Variants in EFL1 observed in about 807,000 individuals in gnomAD.
EFL1 encodes elongation factor like GTPase 1.
Under a neutral mutation model 126.7 loss-of-function variants are expected in EFL1, and 76 were observed. The ratio of observed to expected loss-of-function variants is 0.60; its 90% CI spans 0.50 to 0.73. The LOEUF (loss-of-function observed/expected upper bound fraction) is 0.73, where lower values mean the gene tolerates loss of function less well. EFL1 is among the 30% of genes least tolerant of loss of function. The pLI is 0.00. For synonymous variants in EFL1, 410 were observed against 448.4 expected (o/e 0.91, Z 1.08); for missense variants, 1,128 against 1,343.2 (o/e 0.84, Z 2.50).
intron 15 of EFL1, among the ~76,000 whole-genome samples, chr15:82,209,454 G>GA (rs2074561863): frequency 6.6e-6 from 1 of 152,100 alleles, no homozygotes; most frequent in African/African-American, 2.4e-5. Context: ...CTCATGCTGT[G>GA]AAAAGAAGAA....
chr15:82,196,726 T>C (rs1371615481), intron 15 of EFL1, among the ~76,000 whole-genome samples: 1 of 152,250 alleles, frequency 6.6e-6, no homozygotes, highest in Admixed American at 6.5e-5. Context: ...GATATATCTT[T>C]CAAGTGCATT....
Position 82,228,249 on chromosome 15 carries a change from A to C in EFL1, c.1011T>G (p.Pro337=). The C allele has an allele frequency of 2.5e-6, 4 of 1,614,142 alleles. No homozygotes were observed. Among genetic ancestry groups the C allele is most frequent in the East Asian group, 2.2e-5 (1 of 44,882 alleles). ...TGCAAATGGCGTTGATCTGAACTTTAGGGTCTGAATGTCGTGCCTCCCGGG... is the reference window on the plus strand; with the variant it reads ...TGCAAATGGCGTTGATCTGAACTTTCGGGTCTGAATGTCGTGCCTCCCGGG... ...IGAREARHSD[P]KVQINAICSQ... is the part of the protein sequence containing the mutation. Residue 337 remains proline (P), a synonymous_variant, in exon 10 of 20, where the codon CCT becomes CCG. Coordinates refer to ENST00000268206, the MANE Select transcript of EFL1 (RefSeq NM_024580.6).
rs976022268 is a variant in EFL1, at chr15:82,182,963, C to A, written c.1751-18979G>T. On this transcript the variant is annotated intron_variant, in intron 15 of 19. Transcript: ENST00000268206. ...AATTAGGCATCCAACCTTATGCCAG[C>A]ATTGGAGCTGCTCTGGTACTGGGGC... Among the ~76,000 whole-genome samples, 4 of 152,258 alleles carry A rather than the reference C, an allele frequency of 2.6e-5. No individual in the cohort carries two copies. In the East Asian group the frequency reaches 7.7e-4, roughly 29 times the overall value.
chr15:82,160,813 C>T (rs556969961), intron 16 of EFL1, among the ~76,000 whole-genome samples: 1 of 152,066 alleles, frequency 6.6e-6, no homozygotes, highest in Non-Finnish European at 1.5e-5. Flanking sequence ...TGGCCTTGGG[C>T]AAATTAATTA....
chr15:82,151,594 A>G lies in EFL1; in HGVS notation c.2860T>C (p.Tyr954His). The change falls in exon 18 of 20, where the codon TAT becomes CAT. Residue 954 changes from tyrosine (Y) to histidine (H), a missense_variant. Physicochemically the swap from Tyr to His is moderately conservative, Grantham distance 83 (BLOSUM62 2). Around this residue, in one of 6 missense-constraint regions of EFL1, gnomAD observed 561 missense variants for 641.7 expected, o/e 0.87. Transcript: ENST00000268206. ...ATTAGCTGTCCTGAGAAAGGTCCATAGCAGTCAGTGAGTGGAGATTCTCCT... is the reference window on the plus strand; with the variant it reads ...ATTAGCTGTCCTGAGAAAGGTCCATGGCAGTCAGTGAGTGGAGATTCTCCT... ...QKGESPLTDC[Y>H]GPFSGQLIAT... 6.2e-7 allele frequency: 1 copy of G among 1,614,166 alleles called. No individual in the cohort carries two copies. Among genetic ancestry groups the G allele is most frequent in the Non-Finnish European group, 8.5e-7 (1 of 1,180,012 alleles).
Position 82,227,509 on chromosome 15 carries a change from A to G in EFL1, c.1133T>C (p.Met378Thr). The change falls in exon 11 of 20, where the codon ATG becomes ACG. Residue 378 changes from methionine (M) to threonine (T), a missense_variant. By Grantham distance (81) the Met-to-Thr change is moderately conservative. Coordinates refer to ENST00000268206, the MANE Select transcript of EFL1 (RefSeq NM_024580.6). Reference protein sequence around the residue: ...DITAERVERLMCTGSQTFDSF... With the variant: ...DITAERVERLTCTGSQTFDSF... ...GTCAAAAGTTTGTGATCCTGTGCAC[A>G]TCAGTCTCTCCACTCTCTCAGCTGT... 1 of 1,614,190 alleles carries G rather than the reference A, an allele frequency of 6.2e-7. No homozygotes were observed.
At chr15:82,171,667 A>G (rs1218516586) in intron 15 of EFL1, among the ~76,000 whole-genome samples, 2 of 152,188 alleles carry the variant, frequency 1.3e-5, no homozygotes, top group Non-Finnish European at 1.5e-5. Flanking sequence ...AAAACTTCAA[A>G]ACAAAAGATA....
chr15:82,261,963 G>C lies in EFL1; in HGVS notation c.-19-166C>G, dbSNP rs2075126026. Reference sequence around the variant, plus strand: ...GACCACCAAGGCCTAAGTCCAGTTCGAGCACTAAAGTCAGTATCCTACCAC... The same window carrying C: ...GACCACCAAGGCCTAAGTCCAGTTCCAGCACTAAAGTCAGTATCCTACCAC... On this transcript the variant is annotated intron_variant, in intron 1 of 19. Coordinates refer to ENST00000268206, the MANE Select transcript of EFL1 (RefSeq NM_024580.6). 1.1e-5 allele frequency: 6 copies of C among 559,184 alleles called. No homozygotes were observed. In the South Asian group the frequency reaches 1.4e-4, roughly 13 times the overall value. 34.6% of individuals were successfully genotyped at this position (559,184 alleles called of 1,614,324 possible). A position where few individuals can be genotyped will look rare whatever the true frequency, so the allele number is the denominator to read the frequency against.
intron 16 of EFL1, chr15:82,159,790 T>C (rs901777414): frequency 6.6e-6 from 1 of 152,220 alleles, no homozygotes; most frequent in Non-Finnish European, 1.5e-5. Context: ...GAAAATGGAA[T>C]ACTAAAATGG....
intron 17 of EFL1, among the ~76,000 whole-genome samples, chr15:82,156,509 T>C (rs2073969154): frequency 6.6e-6 from 1 of 152,192 alleles, no homozygotes; most frequent in Non-Finnish European, 1.5e-5. Flanking sequence ...GGTCTCGATC[T>C]CCTGACCTCG....
intron 3 of EFL1, among the ~76,000 whole-genome samples, chr15:82,256,092 T>C (rs575293585): frequency 2.0e-5 from 3 of 152,258 alleles, no homozygotes; most frequent in African/African-American, 7.2e-5. Context: ...TTTTCTCCAA[T>C]ATCTCATAGG....
intron 8 of EFL1, among the ~76,000 whole-genome samples, chr15:82,229,533 C>G (rs1452846253): frequency 6.6e-6 from 1 of 151,916 alleles, no homozygotes; most frequent in Non-Finnish European, 1.5e-5. Flanking sequence ...TTTGAAAACC[C>G]AAAAAACCCC....
intron 15 of EFL1, among the ~76,000 whole-genome samples, chr15:82,191,513 A>G (rs2074359291): frequency 1.3e-5 from 2 of 152,030 alleles, no homozygotes; most frequent in South Asian, 4.1e-4. Flanking sequence ...ATAAGGTGGT[A>G]GTATTAAAAA....
rs1424385060 is a variant in EFL1, at chr15:82,248,658, T to C, written c.244+4033A>G. 2.0e-5 allele frequency among the ~76,000 whole-genome samples: 3 copies of C among 152,178 alleles called. No homozygotes were observed. In the East Asian group the frequency reaches 5.8e-4, roughly 29 times the overall value. ...GGAGGACAACCTCACTGCATATGGC[T>C]GACTCTTGGGTGAATCCCAAGTGTA... On this transcript the variant is annotated intron_variant, in intron 4 of 19. Coordinates refer to ENST00000268206, the MANE Select transcript of EFL1 (RefSeq NM_024580.6).
At chr15:82,237,514 G>A (rs1330421646) in intron 7 of EFL1, among the ~76,000 whole-genome samples, 1 of 152,178 alleles carries the variant, frequency 6.6e-6, no homozygotes, top group Non-Finnish European at 1.5e-5. Context: ...AACACCAAAC[G>A]TGAACATTTG....
At chr15:82,163,221 G>A (rs2074041114) in intron 16 of EFL1, among the ~76,000 whole-genome samples, 1 of 152,168 alleles carries the variant, frequency 6.6e-6, no homozygotes, top group Admixed American at 6.5e-5. Context: ...CTTGAGATAA[G>A]ATTCCAACTA....
Position 82,257,321 on chromosome 15 carries a change from C to T in EFL1, c.159+1767G>A, listed in dbSNP as rs115761462. Among the ~76,000 whole-genome samples, 341 of 152,250 alleles carry T rather than the reference C, an allele frequency of 2.2e-3. 1 individual carries two copies. The highest frequency in any genetic ancestry group is 7.7e-3 in the African/African-American group (321 of 41,566). On this transcript the variant is annotated intron_variant, in intron 3 of 19. Transcript: ENST00000268206. Reference sequence around the variant, plus strand: ...TCTTTCTGGGTATCACATATTTCTGCCTCCTCTCTTTTCTTCTTGATCATC... The same window carrying T: ...TCTTTCTGGGTATCACATATTTCTGTCTCCTCTCTTTTCTTCTTGATCATC...
intron 18 of EFL1, among the ~76,000 whole-genome samples, chr15:82,141,488 G>T (rs1488077347): frequency 2.0e-5 from 3 of 152,004 alleles, no homozygotes; most frequent in Non-Finnish European, 4.4e-5. Flanking sequence ...TGGCCAATAT[G>T]GTCTCCACAT....
rs1163896526 is a variant in EFL1 at position 82,187,505 on chromosome 15, A to G, written c.1751-23521T>C. The stretch of plus-strand genomic sequence containing the variant: ...CAGAAAATAATAGCTTGTGCACATT[A>G]TATTTTGGAGATTTTATTAAAACTT... On this transcript the variant is annotated intron_variant, in intron 15 of 19. Coordinates refer to ENST00000268206, the MANE Select transcript of EFL1 (RefSeq NM_024580.6). Among the ~76,000 whole-genome samples the G allele has an allele frequency of 2.0e-5, 3 of 152,272 alleles. 1 individual carries two copies. The highest frequency in any genetic ancestry group is 6.8e-3 in the Middle Eastern group (2 of 294).
Sources: allele counts gnomAD v4.1 joint callset (sites outside exome capture counted in the v4.1 genomes callset), GRCh38; gene constraint gnomAD v4.1.1; regional missense constraint gnomAD v4.1.1; transcripts MANE v1.5; gene names NCBI Gene and HGNC (gene_info 2026-07-23, HGNC 2026-07-21).